The following MAPKAPK2 variants were observed in gnomAD, a reference collection of about 807,000 sequenced individuals.
MAPKAPK2 encodes MAP kinase-activated protein kinase 2.
In MAPKAPK2, 9 loss-of-function variants were observed where a neutral mutation model predicts 48.8. The ratio of observed to expected loss-of-function variants is 0.18; its 90% CI spans 0.11 to 0.32. The LOEUF (loss-of-function observed/expected upper bound fraction) is 0.32. MAPKAPK2 is among the 10% of genes least tolerant of loss of function. The pLI is 1.00. For synonymous variants in MAPKAPK2, 202 were observed against 190.6 expected, an observed-to-expected ratio of 1.06 and a Z score of -0.49; for missense variants, 331 against 498.3, an observed-to-expected ratio of 0.66 and a Z score of 3.20.
rs782637349 is a variant in MAPKAPK2 at position 206,731,304 on chromosome 1, G to GTC, written c.892+43_892+44insCT. On this transcript the variant is annotated intron_variant, in intron 7 of 9. Coordinates refer to ENST00000367103, the MANE Select transcript of MAPKAPK2 (RefSeq NM_032960.4). The surrounding 1 kb of genome is among the most constrained non-coding windows in gnomAD (Gnocchi z 5.9). ...TCAGGACAAGGGGAAGAGCCCGTGT[G>GTC]TGTGTGTGTGTGTGTATGTGTGTAC... 1 of 1,604,182 alleles carries GTC rather than the reference G, an allele frequency of 6.2e-7. No individual in the cohort carries two copies. Among genetic ancestry groups the GTC allele is most frequent in the South Asian group, 1.1e-5 (1 of 90,568 alleles).
At chr1:206,715,683 G>A (rs1400054349) in intron 1 of MAPKAPK2, among the ~76,000 whole-genome samples, 1 of 145,150 alleles carries the variant, frequency 6.9e-6, no homozygotes, top group Non-Finnish European at 1.5e-5. Flanking sequence ...CTGAAGTGCA[G>A]TGGTACGATC....
chr1:206,716,153 A>G (rs540912574), intron 1 of MAPKAPK2, among the ~76,000 whole-genome samples: 2 of 151,686 alleles, frequency 1.3e-5, no homozygotes, highest in Admixed American at 1.3e-4. Flanking sequence ...GGCCAGAAGT[A>G]AGTTCAGGGT....
intron 1 of MAPKAPK2, among the ~76,000 whole-genome samples, chr1:206,700,003 C>CT (rs574216957): frequency 0.051 from 6,387 of 126,306 alleles, 230 homozygotes; most frequent in African/African-American, 0.11. Flanking sequence ...CTTCTTCTTA[C>CT]TTTTTTTTTT....
intron 1 of MAPKAPK2, among the ~76,000 whole-genome samples, chr1:206,688,537 C>T (rs1319585241): frequency 6.6e-6 from 1 of 152,212 alleles, no homozygotes; most frequent in African/African-American, 2.4e-5. Flanking sequence ...TCAACAGTAG[C>T]TTCATGCATT....
chr1:206,712,963 C>CACACACACACACACACACACACAA, intron 1 of MAPKAPK2, among the ~76,000 whole-genome samples: 1 of 1,756 alleles, frequency 5.7e-4, no homozygotes, highest in Non-Finnish European at 2.4e-3. Context: ...GAGACTCCAT[C>CACACACACACACACACACACACAA]ACACACACAC....
At chr1:206,706,325 G>A (rs888884961) in intron 1 of MAPKAPK2, among the ~76,000 whole-genome samples, 17 of 151,998 alleles carry the variant, frequency 1.1e-4, no homozygotes, top group Admixed American at 8.5e-4. Flanking sequence ...TCACTCAGAT[G>A]GGGGAGGAGC....
At chr1:206,700,115 A>G (rs144288798) in intron 1 of MAPKAPK2, among the ~76,000 whole-genome samples, 14 of 150,904 alleles carry the variant, frequency 9.3e-5, no homozygotes, top group African/African-American at 2.0e-4. Flanking sequence ...TCCCGCTGCA[A>G]TGCTTTTCCT....
chr1:206,732,815 TCTC>T lies in MAPKAPK2; in HGVS notation c.*104_*106del. 7.2e-7 allele frequency: 1 copy of T among 1,385,528 alleles called. No individual in the cohort carries two copies. Among genetic ancestry groups the T allele is most frequent in the Non-Finnish European group, 9.9e-7 (1 of 1,007,992 alleles). 85.8% of individuals were successfully genotyped at this position (1,385,528 alleles called of 1,614,324 possible). On this transcript the variant is annotated 3_prime_UTR_variant, in exon 10 of 10. Transcript: ENST00000367103. This position sits in a 1 kb window ranked among gnomAD's most constrained non-coding sequence, Gnocchi z 4.4. ...GACAGAACTGTCCACATCTGCCTCC[TCTC>T]CTCCTCAGCTGCATGGAGCCTGGAA...
At chr1:206,697,751 G>T (rs142673734) in intron 1 of MAPKAPK2, among the ~76,000 whole-genome samples, 24 of 152,344 alleles carry the variant, frequency 1.6e-4, no homozygotes, top group Non-Finnish European at 3.1e-4. Context: ...GTACCCAGTT[G>T]CTGGGACTGA....
At chr1:206,720,323 C>T (rs1553431041) in intron 1 of MAPKAPK2, among the ~76,000 whole-genome samples, 1 of 152,156 alleles carries the variant, frequency 6.6e-6, no homozygotes, top group Non-Finnish European at 1.5e-5. Context: ...TTACCATTAA[C>T]AACTCATTGA....
chr1:206,732,705 C>T lies in MAPKAPK2; in HGVS notation c.1190C>T (p.Ala397Val). ...AAAGCTCGGGCCCTGGAGGCTGCGG[C>T]TCTGGCCCACTGAGCCACCGCGCCC... ...RKKARALEAA[A>V]LAH The change falls in exon 10 of 10, where the codon GCT (alanine) becomes GTT (valine). Residue 397 changes from alanine to valine, a missense_variant. Ala to Val is a moderately conservative substitution (Grantham distance 64). This residue lies in a region of MAPKAPK2 where 124 missense variants were observed against 194.6 expected (regional missense o/e 0.64). Transcript: ENST00000367103. This position sits in a 1 kb window ranked among gnomAD's most constrained non-coding sequence, Gnocchi z 4.4. The T allele has an allele frequency of 6.2e-7, 1 of 1,614,170 alleles. No individual in the cohort carries two copies. The highest frequency in any genetic ancestry group is 8.5e-7 in the Non-Finnish European group (1 of 1,180,034).
chr1:206,702,014 A>C (rs1366765963), intron 1 of MAPKAPK2, among the ~76,000 whole-genome samples: 1 of 152,162 alleles, frequency 6.6e-6, no homozygotes, highest in Non-Finnish European at 1.5e-5. Context: ...AAGACTCTTC[A>C]GAGGAGGTAA....
intron 1 of MAPKAPK2, among the ~76,000 whole-genome samples, chr1:206,721,152 G>T (rs535603951): frequency 4.6e-5 from 7 of 152,170 alleles, no homozygotes; most frequent in Admixed American, 1.3e-4. Context: ...GTTCTTAGGA[G>T]ATCTGGTTGT....
chr1:206,708,726 C>A (rs2102394513), intron 1 of MAPKAPK2, among the ~76,000 whole-genome samples: 1 of 152,238 alleles, frequency 6.6e-6, no homozygotes, highest in South Asian at 2.1e-4. Context: ...AACTATAGAA[C>A]AAAAAGTTTT....
chr1:206,727,141 G>T (rs782198215), intron 1 of MAPKAPK2, among the ~76,000 whole-genome samples: 5 of 152,160 alleles, frequency 3.3e-5, no homozygotes, highest in African/African-American at 1.2e-4. Flanking sequence ...CCATGAAGAT[G>T]CTAAATCTGT....
At chr1:206,717,096 A>T (rs1673359432) in intron 1 of MAPKAPK2, among the ~76,000 whole-genome samples, 1 of 152,194 alleles carries the variant, frequency 6.6e-6, no homozygotes, top group African/African-American at 2.4e-5. Context: ...GCCAGCGGTA[A>T]ACTAATATTA....
chr1:206,690,545 A>C (rs1485992399), intron 1 of MAPKAPK2, among the ~76,000 whole-genome samples: 2 of 152,204 alleles, frequency 1.3e-5, no homozygotes, highest in East Asian at 1.9e-4. Context: ...TGTTTCTGCT[A>C]CTTGGGACCT....
intron 1 of MAPKAPK2, among the ~76,000 whole-genome samples, chr1:206,707,895 T>C (rs1673015385): frequency 6.6e-6 from 1 of 152,252 alleles, no homozygotes; most frequent in African/African-American, 2.4e-5. Flanking sequence ...AGCTGGATTT[T>C]GCTGAAGCTG....
chr1:206,701,977 C>T (rs1264318394), intron 1 of MAPKAPK2, among the ~76,000 whole-genome samples: 2 of 152,042 alleles, frequency 1.3e-5, no homozygotes, highest in African/African-American at 2.4e-5. Flanking sequence ...GATTCCTGGG[C>T]ACCACTCTTT....
Sources: allele counts gnomAD v4.1 joint callset (sites outside exome capture counted in the v4.1 genomes callset), GRCh38; gene constraint gnomAD v4.1.1; regional missense constraint gnomAD v4.1.1; non-coding constraint Gnocchi (gnomAD v3.1); transcripts MANE v1.5; gene names NCBI Gene and HGNC (gene_info 2026-07-23, HGNC 2026-07-21).